The following VPS41 variants were observed in gnomAD, a reference collection of about 807,000 sequenced individuals.
The protein encoded by VPS41 is vacuolar protein sorting-associated protein 41 homolog.
VPS41 carries 85 observed loss-of-function variants against 130.9 expected under a neutral mutation model. The ratio of observed to expected loss-of-function variants is 0.65; its 90% confidence interval spans 0.55 to 0.78. VPS41 has a LOEUF of 0.78. Among genes scored for constraint, VPS41 ranks in the 30% least tolerant of loss-of-function variants. The pLI is 0.00. For missense variants in VPS41, 874 were observed against 1,018.7 expected, an observed-to-expected ratio of 0.86 and a Z score of 1.93; for synonymous variants, 335 against 332.9, an observed-to-expected ratio of 1.01 and a Z score of -0.07.
chr7:38,756,824 A>G lies in VPS41; in HGVS notation c.1695+14T>C. Reference sequence around the variant, plus strand: ...TAAAAATAATTGACAGTACTAAAATAAAAAGCACATTACCTCTGAATCAAA... The same window carrying G: ...TAAAAATAATTGACAGTACTAAAATGAAAAGCACATTACCTCTGAATCAAA... On this transcript the variant is annotated intron_variant, in intron 19 of 28. Coordinates refer to ENST00000310301, the MANE Select transcript of VPS41 (RefSeq NM_014396.4). 2 of 1,495,544 alleles carry G rather than the reference A, an allele frequency of 1.3e-6. No homozygotes were observed. The highest frequency in any genetic ancestry group is 1.8e-6 in the Non-Finnish European group (2 of 1,096,066). The allele number at this position is 1,495,544 out of a possible 1,614,324, so 92.6% of individuals were successfully genotyped here.
At position 38,758,380 on chromosome 7, in the gene VPS41, C is replaced by A; in HGVS notation, c.1524G>T (p.Lys508Asn). Residue 508 changes from lysine to asparagine, a missense_variant, in exon 18 of 29, where the codon AAG (lysine) becomes AAT (asparagine). Physicochemically the swap from Lys to Asn is moderately conservative, Grantham distance 94. Coordinates refer to ENST00000310301, the MANE Select transcript of VPS41 (RefSeq NM_014396.4). ...ATTCTGCCAGGGTTTTAAGTAAAGT[C>A]TTGTTCTGACTATCTTTCTTCAAAT... ...RDHLKKDSQNKTLLKTLAELY... is the reference protein window; with the variant it reads ...RDHLKKDSQNNTLLKTLAELY... 1 of 1,612,926 alleles carries A rather than the reference C, an allele frequency of 6.2e-7. No homozygotes were observed. Among genetic ancestry groups the A allele is most frequent in the Non-Finnish European group, 8.5e-7 (1 of 1,179,554 alleles).
intron 7 of VPS41, among the ~76,000 whole-genome samples, chr7:38,812,455 A>C (rs1307429467): frequency 6.6e-6 from 1 of 152,296 alleles, no homozygotes; most frequent in Non-Finnish European, 1.5e-5. Flanking sequence ...AACAAGCATT[A>C]ATCTTCATGA....
intron 2 of VPS41, among the ~76,000 whole-genome samples, chr7:38,880,175 T>C (rs1786574930): frequency 6.6e-6 from 1 of 152,072 alleles, no homozygotes. Flanking sequence ...ATACTAAAAA[T>C]ACAGCCATGA....
chr7:38,741,982 T>G lies in VPS41; in HGVS notation c.2259+3A>C, dbSNP rs1795889369. 7 of 1,612,944 alleles carry G rather than the reference T, an allele frequency of 4.3e-6. No individual in the cohort carries two copies. The highest frequency in any genetic ancestry group is 5.9e-6 in the Non-Finnish European group (7 of 1,179,552). ...GCTCATTTGTCCAAGAAAGGATACT[T>G]ACTTGCAAATTGTAGTCTTGCAGAA... On this transcript the variant is annotated splice_donor_region_variant and intron_variant, in intron 25 of 28. Coordinates refer to ENST00000310301, the MANE Select transcript of VPS41 (RefSeq NM_014396.4).
intron 4 of VPS41, among the ~76,000 whole-genome samples, chr7:38,841,101 A>T (rs186645725): frequency 7.9e-5 from 12 of 152,330 alleles, no homozygotes; most frequent in Admixed American, 7.8e-4. Flanking sequence ...CTACACATAG[A>T]ATTGAATAAG....
chr7:38,861,392 T>G (rs190711545), intron 4 of VPS41, among the ~76,000 whole-genome samples: 2 of 152,276 alleles, frequency 1.3e-5, no homozygotes, highest in East Asian at 1.9e-4. Flanking sequence ...GGATGGCAAC[T>G]GAAATACCAA....
chr7:38,755,079 T>C lies in VPS41; in HGVS notation c.1696-143A>G, dbSNP rs998058001. 7 of 670,866 alleles carry C rather than the reference T, an allele frequency of 1.0e-5. No homozygotes were observed. In the African/African-American group the frequency reaches 1.3e-4, roughly 12 times the overall value. The allele number at this position is 670,866 out of a possible 1,614,324, so 41.6% of individuals were successfully genotyped here. On this transcript the variant is annotated intron_variant, in intron 19 of 28. Coordinates refer to ENST00000310301, the MANE Select transcript of VPS41 (RefSeq NM_014396.4). ...AGGAGGCCCTTGGCTTTACAATGGC[T>C]CTTATGGAAAATGACATTTGTGAAG...
intron 7 of VPS41, among the ~76,000 whole-genome samples, chr7:38,814,319 CA>C (rs1357219038): frequency 6.6e-6 from 1 of 152,168 alleles, no homozygotes; most frequent in Non-Finnish European, 1.5e-5. Flanking sequence ...TCCCTTGCAG[CA>C]GAAAAGCAAT....
chr7:38,740,822 C>A (rs375500229), intron 25 of VPS41, among the ~76,000 whole-genome samples: 1 of 152,128 alleles, frequency 6.6e-6, no homozygotes, highest in Non-Finnish European at 1.5e-5. Context: ...TTCCTCCTGG[C>A]CTTCATGTCC....
chr7:38,769,992 G>A (rs1458212986), intron 14 of VPS41, among the ~76,000 whole-genome samples: 2 of 152,152 alleles, frequency 1.3e-5, no homozygotes, highest in Non-Finnish European at 2.9e-5. Context: ...CTCAACTGCT[G>A]TGTGCAGTGG....
chr7:38,908,083 T>C (rs1054521508), intron 1 of VPS41, among the ~76,000 whole-genome samples: 4 of 152,216 alleles, frequency 2.6e-5, no homozygotes, highest in Non-Finnish European at 4.4e-5. Context: ...ATTTTCACTA[T>C]GAAGTAAAAA....
chr7:38,765,443 T>A, intron 16 of VPS41, 137 bp downstream of exon 16: 1 of 584,046 alleles, frequency 1.7e-6, no homozygotes, highest in Non-Finnish European at 2.9e-6. Flanking sequence ...AAACTGTCTC[T>A]AAAAGTTTGA....
At chr7:38,776,797 G>A in intron 10 of VPS41, 21 bp from the exon 11 acceptor site, 2 of 1,444,112 alleles carry the variant, frequency 1.4e-6, no homozygotes, top group Non-Finnish European at 1.9e-6. Context: ...AAGGGATACA[G>A]GAGTCATCAT....
At chr7:38,840,175 C>G (rs771449947) in intron 4 of VPS41, among the ~76,000 whole-genome samples, 2 of 152,240 alleles carry the variant, frequency 1.3e-5, no homozygotes, top group Non-Finnish European at 2.9e-5. Context: ...CCACTGCTTC[C>G]TTCCAACTTT....
At chr7:38,887,255 C>T (rs1786754609) in intron 2 of VPS41, among the ~76,000 whole-genome samples, 1 of 152,134 alleles carries the variant, frequency 6.6e-6, no homozygotes, top group African/African-American at 2.4e-5. Context: ...CGTTCTAACC[C>T]ATCACGAGGA....
intron 7 of VPS41, among the ~76,000 whole-genome samples, chr7:38,805,731 T>C (rs1169831304): frequency 6.6e-6 from 1 of 152,130 alleles, no homozygotes; most frequent in African/African-American, 2.4e-5. Context: ...GCAGAACTGA[T>C]GGTTTTGGGG....
chr7:38,855,719 G>T (rs3801126), intron 4 of VPS41, among the ~76,000 whole-genome samples: 94,463 of 151,972 alleles, frequency 0.62, 30,724 homozygotes, highest in East Asian at 0.89. Flanking sequence ...CCCTGATACC[G>T]TTTGCATCTG....
intron 9 of VPS41, among the ~76,000 whole-genome samples, chr7:38,790,219 T>C (rs1007687392): frequency 2.6e-5 from 4 of 152,156 alleles, no homozygotes; most frequent in African/African-American, 9.7e-5. Context: ...ACTGTAACTA[T>C]GGTATGGAAA....
intron 26 of VPS41, 24 bp from the exon 27 acceptor site, chr7:38,728,610 G>A (rs746639794): frequency 6.2e-7 from 1 of 1,614,000 alleles, no homozygotes; most frequent in South Asian, 1.1e-5. Context: ...CACATACTTT[G>A]GATTATGCCC....
Sources: gnomAD v4.1 joint callset for allele counts (sites outside exome capture counted in the v4.1 genomes callset) on GRCh38, gnomAD v4.1.1 for gene constraint, MANE v1.5 for transcripts, NCBI Gene and HGNC (gene_info 2026-07-23, HGNC 2026-07-21) for gene names.